The following TMOD4 variants were observed in gnomAD, a reference collection of about 807,000 sequenced individuals.
TMOD4 encodes the protein tropomodulin-4.
A neutral mutation model predicts 45.4 loss-of-function variants in TMOD4; 34 were observed. The observed-to-expected ratio is 0.75, with a 90% CI of 0.57 to 1.00. The LOEUF (loss-of-function observed/expected upper bound fraction) is 1.00. TMOD4 is among the 50% of genes least tolerant of loss of function. TMOD4 has a pLI of 0.00. For synonymous variants in TMOD4, 131 were observed against 153.9 expected, an observed-to-expected ratio of 0.85 and a Z score of 1.10; for missense variants, 399 against 437.5, an observed-to-expected ratio of 0.91 and a Z score of 0.78.
At position 151,170,753 on chromosome 1, in the gene TMOD4, C is replaced by T. The variant is rs368620025; in HGVS notation, c.871-90G>A. The T allele has an allele frequency of 9.5e-5, 148 of 1,553,888 alleles. No homozygotes were observed. The African/African-American group carries it at 1.8e-3, about 19-fold the overall frequency. ...AGACCCCTTTGGGAGGTCAAAGAAG[C>T]TTGTTTCTCCACAGTGGGTGAAGAG... On this transcript the variant is annotated intron_variant, in intron 8 of 9. Transcript: ENST00000295314.
intron 7 of TMOD4, 35 bp from the exon 8 acceptor site, chr1:151,171,098 C>T (rs373131004): frequency 8.6e-5 from 139 of 1,607,452 alleles, no homozygotes; most frequent in Admixed American, 1.9e-4. Context: ...GATTAGGGAA[C>T]AGTTTCACAG....
Position 151,170,655 on chromosome 1 carries a change from C to A in TMOD4, c.879G>T (p.Trp293Cys). Residue 293 changes from tryptophan (W) to cysteine (C), a missense_variant, in exon 9 of 10, where the codon TGG becomes TGT. Physicochemically the swap from Trp to Cys is radical, Grantham distance 215 (BLOSUM62 -2). Transcript: ENST00000295314. ...TCTCCATCTCCACTGCATCACCAGG[C>A]CACTGGCGCTGGGGGAGGGAGAGGC... ...TELRVDNQRQ[W>C]PGDAVEMEMA... The A allele has an allele frequency of 6.2e-7, 1 of 1,614,036 alleles. No individual in the cohort carries two copies.
At chr1:151,170,233 T>A (rs1387086088) in intron 9 of TMOD4, 130 bp from the exon 10 acceptor site, 14 of 1,048,506 alleles carry the variant, frequency 1.3e-5, no homozygotes, top group Non-Finnish European at 2.0e-5. Flanking sequence ...TACAGGCCCA[T>A]CCCACATTAA....
intron 3 of TMOD4, among the ~76,000 whole-genome samples, chr1:151,173,915 A>G (rs1192538061): frequency 6.7e-6 from 1 of 150,310 alleles, no homozygotes; most frequent in East Asian, 2.0e-4. Flanking sequence ...CATCTCTACT[A>G]AAAATACAAA....
intron 5 of TMOD4, 121 bp downstream of exon 5, chr1:151,172,147 C>T: frequency 1.2e-6 from 1 of 838,794 alleles, no homozygotes. Context: ...CACAGGTTTT[C>T]TTATCACTCA....
chr1:151,171,119 A>C (rs994063683), intron 7 of TMOD4, 56 bp from the exon 8 acceptor site: 8 of 1,584,016 alleles, frequency 5.1e-6, no homozygotes. Context: ...ATGACTGAGG[A>C]AAGAAAGAAC....
At chr1:151,172,157 A>G in intron 5 of TMOD4, 111 bp downstream of exon 5, 1 of 906,310 alleles carries the variant, frequency 1.1e-6, no homozygotes, top group East Asian at 2.5e-5. Flanking sequence ...CTTATCACTC[A>G]TGCAGCATGT....
At chr1:151,173,801 G>A (rs587627451) in intron 3 of TMOD4, among the ~76,000 whole-genome samples, 186 bp from the exon 4 acceptor site, 10 of 152,324 alleles carry the variant, frequency 6.6e-5, no homozygotes, top group Non-Finnish European at 1.0e-4. Context: ...GTGCGGGGCT[G>A]GGCGCTGTGG....
At position 151,173,492 on chromosome 1, in the gene TMOD4, T is replaced by C. The variant is rs1684016291; in HGVS notation, c.397+7A>G. On this transcript the variant is annotated splice_region_variant and intron_variant, in intron 4 of 9. Coordinates refer to ENST00000295314, the MANE Select transcript of TMOD4 (RefSeq NM_013353.3). ...CCTCTCACCCTCAACTTCCCACAGC[T>C]ACCCACCTGCAATGTCACACATTTC... The C allele has an allele frequency of 5.6e-6, 9 of 1,612,066 alleles. No homozygotes were observed. The highest frequency in any genetic ancestry group is 7.6e-6 in the Non-Finnish European group (9 of 1,178,150).
At chr1:151,171,399 T>C (rs774166003) in intron 7 of TMOD4, 34 bp downstream of exon 7, 2 of 1,567,916 alleles carry the variant, frequency 1.3e-6, no homozygotes, top group Non-Finnish European at 1.8e-6. Context: ...ATGTAAGATG[T>C]GGGGAGAGGG....
In TMOD4 at chr1:151,171,079, T is replaced by G; in HGVS notation, c.727-16A>C. The stretch of plus-strand genomic sequence containing the variant: ...CAGCCACTGCCTGGGTAGTAGGGAC[T>G]TGGGTTAGGATTAGGGAACAGTTTC... On this transcript the variant is annotated splice_polypyrimidine_tract_variant and intron_variant, in intron 7 of 9. Transcript: ENST00000295314. The G allele has an allele frequency of 6.2e-7, 1 of 1,613,496 alleles. No individual in the cohort carries two copies. Among genetic ancestry groups the G allele is most frequent in the Non-Finnish European group, 8.5e-7 (1 of 1,179,766 alleles).
chr1:151,174,392 C>A lies in TMOD4; in HGVS notation c.279G>T (p.Lys93Asn). 1.9e-6 allele frequency: 3 copies of A among 1,613,970 alleles called. No homozygotes were observed. Among genetic ancestry groups the A allele is most frequent in the Non-Finnish European group, 2.5e-6 (3 of 1,179,882 alleles). Residue 93 changes from lysine to asparagine, a missense_variant and splice_region_variant, in exon 3 of 10, where the codon AAG becomes AAT. Physicochemically the swap from Lys to Asn is moderately conservative, Grantham distance 94. Transcript: ENST00000295314. The part of the protein sequence containing the change: ...DDLVPFTGEK[K>N]GKPYIQPKRE... ...GCATGGATGTCAGGGTCCCCATACCCTTCTTCTCGCCTGTGAAGGGCACCA... is the reference window on the plus strand; with the variant it reads ...GCATGGATGTCAGGGTCCCCATACCATTCTTCTCGCCTGTGAAGGGCACCA...
intron 1 of TMOD4, 179 bp from the exon 2 acceptor site, chr1:151,175,096 T>C (rs1308907275): frequency 1.1e-5 from 6 of 521,844 alleles, no homozygotes; most frequent in Non-Finnish European, 2.0e-5. Flanking sequence ...AGAGTCTCCT[T>C]TCTGCTTCCC....
intron 4 of TMOD4, 90 bp from the exon 5 acceptor site, chr1:151,172,447 T>A: frequency 9.4e-7 from 1 of 1,066,492 alleles, no homozygotes; most frequent in Non-Finnish European, 1.4e-6. Context: ...GTTGCATTTG[T>A]AAAGCCTGAC....
rs587729831 is a variant in TMOD4, at chr1:151,171,266, G to T, written c.726+167C>A. Among the ~76,000 whole-genome samples the T allele has an allele frequency of 6.6e-5, 10 of 152,240 alleles. No individual in the cohort carries two copies. The South Asian group carries it at 1.9e-3, about 28-fold the overall frequency. Reference sequence around the variant, plus strand: ...GTGCAGTGGGACTAGGGGTGTTAGAGAGAGTAGAGAGTTATGAGCCATAGC... The same window carrying T: ...GTGCAGTGGGACTAGGGGTGTTAGATAGAGTAGAGAGTTATGAGCCATAGC... On this transcript the variant is annotated intron_variant, in intron 7 of 9. Coordinates refer to ENST00000295314, the MANE Select transcript of TMOD4 (RefSeq NM_013353.3).
chr1:151,175,058 G>A, intron 1 of TMOD4, 141 bp from the exon 2 acceptor site: 4 of 671,306 alleles, frequency 6.0e-6, no homozygotes, highest in Non-Finnish European at 9.9e-6. Context: ...GGGAAGTGGG[G>A]AAGATTAGGT....
chr1:151,174,174 C>T (rs1385696273), intron 3 of TMOD4, among the ~76,000 whole-genome samples: 2 of 152,008 alleles, frequency 1.3e-5, no homozygotes, highest in Non-Finnish European at 2.9e-5. Flanking sequence ...CGAGACTGCA[C>T]CACTGCACTC....
chr1:151,173,532 G>A lies in TMOD4; in HGVS notation c.364C>T (p.His122Tyr). The change falls in exon 4 of 10, where the codon CAT becomes TAT. Residue 122 changes from histidine (H) to tyrosine (Y), a missense_variant. His to Tyr is a moderately conservative substitution (Grantham distance 83, BLOSUM62 2). Coordinates refer to ENST00000295314, the MANE Select transcript of TMOD4 (RefSeq NM_013353.3). ...LEPELEEALA[H>Y]ATDAEMCDIA... ...TCACACATTTCAGCATCTGTGGCAT[G>A]TGCCAGTGCCTCCTCCAGCTCAGGC... 2 of 1,614,156 alleles carry A rather than the reference G, an allele frequency of 1.2e-6. No homozygotes were observed. Among genetic ancestry groups the A allele is most frequent in the Non-Finnish European group, 1.7e-6 (2 of 1,180,012 alleles).
In TMOD4 at chr1:151,173,562, G is replaced by C; in HGVS notation, c.334C>G (p.Leu112Val). 1 of 1,614,204 alleles carries C rather than the reference G, an allele frequency of 6.2e-7. No homozygotes were observed. Among genetic ancestry groups the C allele is most frequent in the Non-Finnish European group, 8.5e-7 (1 of 1,180,038 alleles). Reference sequence around the variant, plus strand: ...AGTGCCTCCTCCAGCTCAGGCTCCAGGGTGATCTGCTCCTCTGCTGGGATT... The same window carrying C: ...AGTGCCTCCTCCAGCTCAGGCTCCACGGTGATCTGCTCCTCTGCTGGGATT... ...REIPAEEQIT[L>V]EPELEEALAH... The change falls in exon 4 of 10, where the codon CTG becomes GTG. Residue 112 changes from leucine (L) to valine (V), a missense_variant. Coordinates refer to ENST00000295314, the MANE Select transcript of TMOD4 (RefSeq NM_013353.3).
Sources: allele counts gnomAD v4.1 joint callset (sites outside exome capture counted in the v4.1 genomes callset), GRCh38; gene constraint gnomAD v4.1.1; transcripts MANE v1.5; gene names NCBI Gene and HGNC (gene_info 2026-07-23, HGNC 2026-07-21).